ZCCHC8: variants seen among roughly 807,000 people sequenced by gnomAD.
The protein encoded by ZCCHC8 is zinc finger CCHC-type containing 8, also known as zinc finger CCHC domain-containing protein 8.
ZCCHC8 carries 27 observed loss-of-function variants against 70.6 expected under a neutral mutation model. That is an observed-to-expected ratio of 0.38 (90% CI 0.28 to 0.53). The LOEUF (loss-of-function observed/expected upper bound fraction) is 0.53. ZCCHC8 is among the 20% of genes least tolerant of loss of function. The pLI is 0.81. For synonymous variants in ZCCHC8, 293 were observed against 317.4 expected, an observed-to-expected ratio of 0.92 and a Z score of 0.82; for missense variants, 737 against 876.9, an observed-to-expected ratio of 0.84 and a Z score of 2.01.
chr12:122,485,686 T>C (rs975334555), intron 5 of ZCCHC8, among the ~76,000 whole-genome samples: 11 of 151,552 alleles, frequency 7.3e-5, no homozygotes, highest in Non-Finnish European at 1.2e-4. Flanking sequence ...TTTTTTTTTT[T>C]CTGAGATGGA....
chr12:122,481,797 AAAG>A, intron 9 of ZCCHC8, 133 bp from the exon 10 acceptor site: 4 of 1,383,960 alleles, frequency 2.9e-6, no homozygotes, highest in Non-Finnish European at 3.9e-6. Context: ...ATTAAAATTT[AAAG>A]AAGTGTTTCT....
intron 1 of ZCCHC8, chr12:122,499,640 G>A (rs1262537407): frequency 1.3e-5 from 2 of 152,122 alleles, no homozygotes; most frequent in African/African-American, 4.8e-5. Flanking sequence ...TGTGGAGGAA[G>A]ACGACATTCT....
Position 122,483,284 on chromosome 12 carries a change from T to A in ZCCHC8, c.666A>T (p.Ala222=), listed in dbSNP as rs759702189. 10 of 1,595,234 alleles carry A rather than the reference T, an allele frequency of 6.3e-6. No individual in the cohort carries two copies. The African/African-American group carries it at 1.1e-4, about 17-fold the overall frequency. Residue 222 remains alanine (A), a synonymous_variant, in exon 7 of 14, where the codon GCA becomes GCT. Transcript: ENST00000633063. The surrounding 1 kb of genome is among the most constrained non-coding windows in gnomAD (Gnocchi z 4.4). The part of the protein sequence containing the change: ...SLEGQEIQVK[A]KRPKPHCFNC... Reference sequence around the variant, plus strand: ...AAACAACTCCCCACACAAACCTTTTTGCCTTTACTTGTATTTCTTGCCCTT... The same window carrying A: ...AAACAACTCCCCACACAAACCTTTTAGCCTTTACTTGTATTTCTTGCCCTT...
In ZCCHC8 at chr12:122,500,638, A is replaced by G. The variant is rs1214565219; in HGVS notation, c.199+4T>C. On this transcript the variant is annotated splice_donor_region_variant and intron_variant, in intron 1 of 13. Transcript: ENST00000633063. The surrounding 1 kb of genome is among the most constrained non-coding windows in gnomAD (Gnocchi z 4.8). ...TGACAGGGCCCAGCGAGAGGAAAGG[A>G]TATTCTCGGCGCGGAGCTGCTCGAT... 1 of 1,566,356 alleles carries G rather than the reference A, an allele frequency of 6.4e-7. No individual in the cohort carries two copies. The highest frequency in any genetic ancestry group is 1.9e-5 in the Admixed American group (1 of 53,394).
Position 122,480,301 on chromosome 12 carries a change from A to G in ZCCHC8, c.1029T>C (p.Asp343=), listed in dbSNP as rs766992501. The G allele has an allele frequency of 1.2e-6, 2 of 1,610,440 alleles. No individual in the cohort carries two copies. The highest frequency in any genetic ancestry group is 2.2e-5 in the South Asian group (2 of 90,476). ...LALYDGKDGT[D]GETEVGEIQQ... Reference sequence around the variant, plus strand: ...GTATTTCTCCAACTTCTGTTTCCCCATCAGTGCCATCTATTACAGACCATA... The same window carrying G: ...GTATTTCTCCAACTTCTGTTTCCCCGTCAGTGCCATCTATTACAGACCATA... Residue 343 remains aspartate, a synonymous_variant, in exon 11 of 14, where the codon GAT becomes GAC. Coordinates refer to ENST00000633063, the MANE Select transcript of ZCCHC8 (RefSeq NM_017612.5).
intron 2 of ZCCHC8, among the ~76,000 whole-genome samples, chr12:122,495,708 C>T (rs1297702087): frequency 6.6e-6 from 1 of 151,720 alleles, no homozygotes; most frequent in Non-Finnish European, 1.5e-5. Context: ...ATTAGCTGGG[C>T]ATAGTGGTGT....
At chr12:122,494,227 T>A (rs1415917091) in intron 2 of ZCCHC8, among the ~76,000 whole-genome samples, 1 of 152,132 alleles carries the variant, frequency 6.6e-6, no homozygotes, top group Non-Finnish European at 1.5e-5. Flanking sequence ...GAAATAAATG[T>A]CTCTATTTGG....
chr12:122,495,376 A>G (rs1957810387), intron 2 of ZCCHC8, among the ~76,000 whole-genome samples: 1 of 152,120 alleles, frequency 6.6e-6, no homozygotes, highest in Non-Finnish European at 1.5e-5. Context: ...CAGTAGCCCC[A>G]GCTACTCGGG....
chr12:122,488,311 T>G (rs1357053640), intron 5 of ZCCHC8, among the ~76,000 whole-genome samples: 1 of 151,846 alleles, frequency 6.6e-6, no homozygotes, highest in Non-Finnish European at 1.5e-5. Context: ...GGATTACAGG[T>G]GTGAGCCACT....
intron 8 of ZCCHC8, 21 bp from the exon 9 acceptor site, chr12:122,482,108 AAAG>A: frequency 6.3e-7 from 1 of 1,580,310 alleles, no homozygotes; most frequent in Non-Finnish European, 8.6e-7. Context: ...ACACATTTGA[AAAG>A]AATGGTTTCA....
At position 122,483,038 on chromosome 12, in the gene ZCCHC8, A is replaced by AT. The variant is rs1957567155; in HGVS notation, c.671+240dup. The AT allele has an allele frequency of 3.7e-6, 2 of 536,698 alleles. No individual in the cohort carries two copies. The allele number at this position is 536,698 out of a possible 1,614,324, so 33.2% of individuals were successfully genotyped here. On this transcript the variant is annotated intron_variant, in intron 7 of 13. Transcript: ENST00000633063. This position sits in a 1 kb window ranked among gnomAD's most constrained non-coding sequence, Gnocchi z 4.4. ...CAGATGGTTATAAGACTGCAATCAA[A>AT]TTGACAGCAACAATTATACCTTTCC...
At chr12:122,477,168 T>G (rs182964631) in intron 13 of ZCCHC8, among the ~76,000 whole-genome samples, 1 of 151,318 alleles carries the variant, frequency 6.6e-6, no homozygotes, top group Non-Finnish European at 1.5e-5. Flanking sequence ...ATCTTTTTTT[T>G]TTTTGAGATG....
At chr12:122,496,031 G>A (rs1275804234) in intron 2 of ZCCHC8, among the ~76,000 whole-genome samples, 1 of 151,984 alleles carries the variant, frequency 6.6e-6, no homozygotes, top group Non-Finnish European at 1.5e-5. Flanking sequence ...GCCAGGTGTG[G>A]TGGCATGTTC....
intron 2 of ZCCHC8, among the ~76,000 whole-genome samples, chr12:122,495,692 A>G (rs1339060508): frequency 6.6e-6 from 1 of 151,932 alleles, no homozygotes; most frequent in Non-Finnish European, 1.5e-5. Context: ...TACTAAAAAT[A>G]CAGAAATTAG....
chr12:122,490,590 C>A (rs755861356), intron 3 of ZCCHC8, 23 bp from the exon 4 acceptor site: 3 of 1,487,626 alleles, frequency 2.0e-6, no homozygotes, highest in South Asian at 2.3e-5. Flanking sequence ...ACAAAATGGT[C>A]AGAACCCAGA....
Position 122,472,973 on chromosome 12 carries a change from A to T in ZCCHC8, c.*524T>A, listed in dbSNP as rs1170112591. 6.5e-6 allele frequency: 1 copy of T among 154,414 alleles called. No homozygotes were observed. The highest frequency in any genetic ancestry group is 1.9e-4 in the East Asian group (1 of 5,262). The allele number at this position is 154,414 out of a possible 1,614,324, so 9.6% of individuals were successfully genotyped here. A position where few individuals can be genotyped will look rare whatever the true frequency, so the allele number is the denominator to read the frequency against. ...GTATAGCAAGCATATATGAAGGATGAAGTTACAAAAAAGTAAAAGTATTAC... is the reference window on the plus strand; with the variant it reads ...GTATAGCAAGCATATATGAAGGATGTAGTTACAAAAAAGTAAAAGTATTAC... On this transcript the variant is annotated 3_prime_UTR_variant, in exon 14 of 14. Transcript: ENST00000633063.
chr12:122,477,944 A>C lies in ZCCHC8; in HGVS notation c.1242T>G (p.Ser414=). The C allele has an allele frequency of 1.9e-6, 3 of 1,613,844 alleles. No individual in the cohort carries two copies. Among genetic ancestry groups the C allele is most frequent in the Non-Finnish European group, 2.5e-6 (3 of 1,179,748 alleles). ...AGTGAGATGAAGACCTCTTGTTGCC[A>C]GACTTCACACCTGGCTAAAAGAGCA... ...TSNFQAPGVK[S]GNKRSSSHSS... The change falls in exon 13 of 14, where the codon TCT becomes TCG. Residue 414 remains serine (S), a synonymous_variant. Coordinates refer to ENST00000633063, the MANE Select transcript of ZCCHC8 (RefSeq NM_017612.5).
Position 122,482,711 on chromosome 12 carries a change from A to G in ZCCHC8, c.672-16T>C, listed in dbSNP as rs761589134. 6.9e-6 allele frequency: 11 copies of G among 1,594,622 alleles called. No homozygotes were observed. Among genetic ancestry groups the G allele is most frequent in the Non-Finnish European group, 9.4e-6 (11 of 1,168,924 alleles). On this transcript the variant is annotated splice_polypyrimidine_tract_variant and intron_variant, in intron 7 of 13. Transcript: ENST00000633063. ...AGGCTTTGGCCTATTTGGTCAAAAG[A>G]CAAAGATTTTTATAATGTCAATAAA...
rs1957363902 is a variant in ZCCHC8, at chr12:122,473,916, C to T, written c.1705G>A (p.Glu569Lys). The T allele has an allele frequency of 2.5e-6, 4 of 1,613,718 alleles. No individual in the cohort carries two copies. The South Asian group carries it at 4.4e-5, about 18-fold the overall frequency. Reference protein sequence around the residue: ...CPNELDLPVPEGKTSEKQTLD... With the variant: ...CPNELDLPVPKGKTSEKQTLD... ...GTCTGCTTTTCAGATGTTTTTCCCT[C>T]CGGGACAGGGAGGTCTAGCTCATTT... The change falls in exon 14 of 14, where the codon GAG becomes AAG. Residue 569 changes from glutamate to lysine, a missense_variant. Transcript: ENST00000633063.
Sources: gnomAD v4.1 joint callset for allele counts (sites outside exome capture counted in the v4.1 genomes callset) on GRCh38, gnomAD v4.1.1 for gene constraint, Gnocchi (gnomAD v3.1) non-coding constraint, MANE v1.5 for transcripts, NCBI Gene and HGNC (gene_info 2026-07-23, HGNC 2026-07-21) for gene names.